Variants in DHTKD1 observed in about 807,000 individuals in gnomAD.
DHTKD1 encodes 2-oxoadipate dehydrogenase complex component E1.
Under a neutral mutation model 101.8 loss-of-function variants are expected in DHTKD1, and 78 were observed. The observed-to-expected ratio is 0.77, with a 90% CI of 0.64 to 0.93. DHTKD1 has a LOEUF of 0.93. Ranked by LOEUF, DHTKD1 falls within the 40% of genes least tolerant of loss-of-function variation. The pLI is 0.00. For missense variants in DHTKD1, 1,223 were observed against 1,161.7 expected, an observed-to-expected ratio of 1.05 and a Z score of -0.77; for synonymous variants, 462 against 450.3, an observed-to-expected ratio of 1.03 and a Z score of -0.33.
intron 13 of DHTKD1, among the ~76,000 whole-genome samples, chr10:12,115,187 C>T (rs1433837469): frequency 6.6e-6 from 1 of 152,154 alleles, no homozygotes; most frequent in East Asian, 1.9e-4. Context: ...AACTCCGCCT[C>T]CCAGGCTCAA....
chr10:12,073,895 A>G (rs1483467196), intron 1 of DHTKD1, among the ~76,000 whole-genome samples: 1 of 152,122 alleles, frequency 6.6e-6, no homozygotes, highest in Non-Finnish European at 1.5e-5. Context: ...AATAATAACA[A>G]ATATTTCTTG....
At chr10:12,116,071 C>T (rs1833411878) in intron 13 of DHTKD1, among the ~76,000 whole-genome samples, 1 of 151,966 alleles carries the variant, frequency 6.6e-6, no homozygotes, top group Non-Finnish European at 1.5e-5. Context: ...GCTGGGATTA[C>T]AGGCATGCAC....
chr10:12,103,926 A>G lies in DHTKD1; in HGVS notation c.1897-2320A>G. 6.6e-6 allele frequency among the ~76,000 whole-genome samples: 1 copy of G among 152,150 alleles called. No homozygotes were observed. Among genetic ancestry groups the G allele is most frequent in the Non-Finnish European group, 1.5e-5 (1 of 68,032 alleles). Reference sequence around the variant, plus strand: ...TTGTAGTCTATTCACAGAGTTGTGTAATCATCACCACTATCTAATTTTAGA... The same window carrying G: ...TTGTAGTCTATTCACAGAGTTGTGTGATCATCACCACTATCTAATTTTAGA... On this transcript the variant is annotated intron_variant, in intron 10 of 16. Transcript: ENST00000263035. The surrounding 1 kb of genome is among the most constrained non-coding windows in gnomAD (Gnocchi z 4.8).
intron 1 of DHTKD1, among the ~76,000 whole-genome samples, chr10:12,079,036 A>G (rs919910790): frequency 1.3e-5 from 2 of 152,142 alleles, no homozygotes; most frequent in African/African-American, 2.4e-5. Context: ...TCGCTCAGAG[A>G]GAAAGTAGAC....
chr10:12,100,302 G>GTGA, intron 9 of DHTKD1, 40 bp downstream of exon 9: 1 of 40,430 alleles, frequency 2.5e-5, no homozygotes. Context: ...TTTTTTTTTT[G>GTGA]AGTCTCACCC....
chr10:12,083,795 C>A (rs1384680551), intron 2 of DHTKD1, among the ~76,000 whole-genome samples: 1 of 152,166 alleles, frequency 6.6e-6, no homozygotes, highest in Non-Finnish European at 1.5e-5. Flanking sequence ...CAGCAGTAGG[C>A]TCTGTCCTTG....
intron 6 of DHTKD1, among the ~76,000 whole-genome samples, chr10:12,092,033 A>G (rs1832998688): frequency 6.9e-6 from 1 of 144,036 alleles, no homozygotes; most frequent in African/African-American, 2.6e-5. Flanking sequence ...CTTGTACTCC[A>G]TGCTGGAGTA....
chr10:12,107,388 C>T lies in DHTKD1; in HGVS notation c.2048-521C>T, dbSNP rs567037521. Reference sequence around the variant, plus strand: ...TTCCCCTTTGAGTTTGTCTTCCACTCGTAAAAGCCCAGGGCCTGTGCCGTG... The same window carrying T: ...TTCCCCTTTGAGTTTGTCTTCCACTTGTAAAAGCCCAGGGCCTGTGCCGTG... On this transcript the variant is annotated intron_variant, in intron 11 of 16. Coordinates refer to ENST00000263035, the MANE Select transcript of DHTKD1 (RefSeq NM_018706.7). This position sits in a 1 kb window ranked among gnomAD's most constrained non-coding sequence, Gnocchi z 4.1. 3.3e-4 allele frequency among the ~76,000 whole-genome samples: 50 copies of T among 152,050 alleles called. No homozygotes were observed. The highest frequency in any genetic ancestry group is 1.2e-3 in the South Asian group (6 of 4,814).
At chr10:12,113,478 G>A (rs910765267) in intron 13 of DHTKD1, among the ~76,000 whole-genome samples, 1 of 152,166 alleles carries the variant, frequency 6.6e-6, no homozygotes, top group African/African-American at 2.4e-5. Context: ...GATTGCAGGC[G>A]TGAGTCACCA....
intron 12 of DHTKD1, among the ~76,000 whole-genome samples, chr10:12,109,635 T>C (rs937314073): frequency 6.6e-6 from 1 of 151,680 alleles, no homozygotes; most frequent in Non-Finnish European, 1.5e-5. Context: ...GGGAGGAAGA[T>C]CTTAGAAAGC....
At chr10:12,120,133 C>T (rs764947550) in intron 15 of DHTKD1, 49 bp from the exon 16 acceptor site, 16 of 1,424,488 alleles carry the variant, frequency 1.1e-5, no homozygotes, top group Non-Finnish European at 1.5e-5. Flanking sequence ...AATTGGGGAC[C>T]GTCTGCATGT....
At chr10:12,091,773 C>A in intron 6 of DHTKD1, 89 bp downstream of exon 6, 2 of 973,894 alleles carry the variant, frequency 2.1e-6, no homozygotes, top group East Asian at 2.8e-5. Flanking sequence ...ATGAGCCTCA[C>A]TGGTTATCCC....
rs377725286 is a variant in DHTKD1, at chr10:12,103,038, C to T, written c.1896+1857C>T. Among the ~76,000 whole-genome samples the T allele has an allele frequency of 6.6e-6, 1 of 152,202 alleles. No individual in the cohort carries two copies. Among genetic ancestry groups the T allele is most frequent in the East Asian group, 1.9e-4 (1 of 5,156 alleles). ...AGGAGTTCAACACTGGCCTGGCCAACATGGCGAAACCCTGTCTCTACTAAA... is the reference window on the plus strand; with the variant it reads ...AGGAGTTCAACACTGGCCTGGCCAATATGGCGAAACCCTGTCTCTACTAAA... On this transcript the variant is annotated intron_variant, in intron 10 of 16. Transcript: ENST00000263035. This position sits in a 1 kb window ranked among gnomAD's most constrained non-coding sequence, Gnocchi z 4.8.
rs373277244 is a variant in DHTKD1, at chr10:12,120,871, G to C, written c.2743G>C (p.Ala915Pro). The C allele has an allele frequency of 1.9e-5, 30 of 1,613,686 alleles. No homozygotes were observed. The highest frequency in any genetic ancestry group is 2.3e-5 in the Non-Finnish European group (27 of 1,179,758). Reference protein sequence around the residue: ...VHLHQHEDILAKTFA With the variant: ...VHLHQHEDILPKTFA ...CTTGCACCAGCATGAAGATATCCTCGCCAAGACCTTCGCTTGATGATGACT... is the reference window on the plus strand; with the variant it reads ...CTTGCACCAGCATGAAGATATCCTCCCCAAGACCTTCGCTTGATGATGACT... The change falls in exon 17 of 17, where the codon GCC becomes CCC. Residue 915 changes from alanine to proline, a missense_variant. By Grantham distance (27) the Ala-to-Pro change is conservative. Transcript: ENST00000263035.
At chr10:12,093,837 G>A (rs1453916891) in intron 6 of DHTKD1, among the ~76,000 whole-genome samples, 6 of 152,168 alleles carry the variant, frequency 3.9e-5, no homozygotes, top group African/African-American at 1.2e-4. Context: ...CTAAGAGGTA[G>A]GAGCCCCATT....
intron 1 of DHTKD1, among the ~76,000 whole-genome samples, chr10:12,079,670 AAAAAAAAT>A (rs1564388487): frequency 1.3e-5 from 2 of 151,982 alleles, no homozygotes; most frequent in East Asian, 3.9e-4. Flanking sequence ...CCATCTCAAG[AAAAAAAAT>A]AAAAAAATAA....
chr10:12,072,877 C>T (rs1832672035), intron 1 of DHTKD1, among the ~76,000 whole-genome samples: 2 of 151,884 alleles, frequency 1.3e-5, no homozygotes, highest in African/African-American at 2.4e-5. Flanking sequence ...GCTAGGACTA[C>T]AGGCATGTAC....
chr10:12,119,888 C>T (rs554812560), intron 15 of DHTKD1, among the ~76,000 whole-genome samples: 134 of 152,284 alleles, frequency 8.8e-4, no homozygotes, highest in African/African-American at 2.8e-3. Flanking sequence ...GCCTAGCCTG[C>T]CTTAAACATG....
At chr10:12,091,353 A>G (rs1270084777) in intron 5 of DHTKD1, among the ~76,000 whole-genome samples, 160 bp from the exon 6 acceptor site, 3 of 141,946 alleles carry the variant, frequency 2.1e-5, no homozygotes, top group Admixed American at 7.6e-5. Flanking sequence ...CAGAGGATGC[A>G]GTGAGCTGAG....
Sources: gnomAD v4.1 joint callset for allele counts (sites outside exome capture counted in the v4.1 genomes callset) on GRCh38, gnomAD v4.1.1 for gene constraint, Gnocchi (gnomAD v3.1) non-coding constraint, MANE v1.5 for transcripts, NCBI Gene and HGNC (gene_info 2026-07-23, HGNC 2026-07-21) for gene names.